The following TAFA1 variants were observed in gnomAD, a reference collection of about 807,000 sequenced individuals.
TAFA1 encodes chemokine-like protein TAFA-1.
TAFA1 carries 4 observed loss-of-function variants against 18.5 expected under a neutral mutation model. The observed-to-expected ratio is 0.22, with a 90% CI of 0.11 to 0.49. The LOEUF is 0.49. TAFA1 is among the 20% of genes least tolerant of loss of function. TAFA1 has a pLI of 0.98. For missense variants in TAFA1, 147 were observed against 169.0 expected (o/e 0.87, Z 0.72); for synonymous variants, 56 against 55.2 (o/e 1.01, Z -0.06).
intron 2 of TAFA1, among the ~76,000 whole-genome samples, chr3:68,330,025 T>A (rs572612271): frequency 6.6e-6 from 1 of 152,278 alleles, no homozygotes; most frequent in Admixed American, 6.5e-5. Flanking sequence ...GTGTGTCCAA[T>A]TGCAGGGATA....
At chr3:68,235,096 C>T (rs1172882548) in intron 2 of TAFA1, among the ~76,000 whole-genome samples, 1 of 152,110 alleles carries the variant, frequency 6.6e-6, no homozygotes, top group Non-Finnish European at 1.5e-5. Flanking sequence ...TGCATTTTCA[C>T]CTCAGTTCAA....
chr3:68,262,338 TA>T lies in TAFA1; in HGVS notation c.119-154941del, dbSNP rs2067447947. Among the ~76,000 whole-genome samples the T allele has an allele frequency of 3.4e-4, 32 of 93,790 alleles. 1 individual carries two copies. The highest frequency in any genetic ancestry group is 1.1e-3 in the African/African-American group (27 of 24,268). 61.5% of individuals were successfully genotyped at this position (93,790 alleles called of 152,430 possible). On this transcript the variant is annotated intron_variant, in intron 2 of 4. Coordinates refer to ENST00000478136, the MANE Select transcript of TAFA1 (RefSeq NM_213609.4). ...ATATATATATATATATATATATATA[TA>T]TATATATATATATATATATTTCATG...
intron 2 of TAFA1, among the ~76,000 whole-genome samples, chr3:68,358,051 G>A (rs548795047): frequency 6.6e-6 from 1 of 151,872 alleles, no homozygotes; most frequent in African/African-American, 2.4e-5. Flanking sequence ...AGATTGTTTT[G>A]GTAGTATTTT....
chr3:68,050,336 A>G (rs2064453608), intron 2 of TAFA1, among the ~76,000 whole-genome samples: 1 of 152,122 alleles, frequency 6.6e-6, no homozygotes, highest in South Asian at 2.1e-4. Context: ...CATATGGGCC[A>G]TTTATGCTAT....
At chr3:68,179,608 C>T (rs1296754598) in intron 2 of TAFA1, among the ~76,000 whole-genome samples, 2 of 152,082 alleles carry the variant, frequency 1.3e-5, no homozygotes, top group African/African-American at 2.4e-5. Flanking sequence ...TATTAAAGAA[C>T]CTCTTGTTTG....
At chr3:68,247,978 ATAAAG>A (rs1343955371) in intron 2 of TAFA1, among the ~76,000 whole-genome samples, 36 of 152,254 alleles carry the variant, frequency 2.4e-4, no homozygotes, top group African/African-American at 8.4e-4. Flanking sequence ...GTTTATGTTC[ATAAAG>A]TAAAGATAAT....
At chr3:68,459,088 C>T (rs1429930508) in intron 3 of TAFA1, among the ~76,000 whole-genome samples, 4 of 152,106 alleles carry the variant, frequency 2.6e-5, no homozygotes, top group Non-Finnish European at 5.9e-5. Flanking sequence ...AAAGAAGCAG[C>T]CATTCTATCC....
At chr3:68,082,633 G>A (rs2064919565) in intron 2 of TAFA1, among the ~76,000 whole-genome samples, 1 of 152,212 alleles carries the variant, frequency 6.6e-6, no homozygotes, top group Non-Finnish European at 1.5e-5. Flanking sequence ...CAATTGCTAT[G>A]CTGTTGCTGT....
chr3:68,258,790 C>T (rs2067348748), intron 2 of TAFA1, among the ~76,000 whole-genome samples: 2 of 152,150 alleles, frequency 1.3e-5, no homozygotes, highest in African/African-American at 4.8e-5. Flanking sequence ...CACTTTCTTC[C>T]TTGGGATGTC....
intron 2 of TAFA1, among the ~76,000 whole-genome samples, chr3:68,297,361 C>G (rs1337033370): frequency 2.0e-5 from 3 of 152,150 alleles, no homozygotes; most frequent in Admixed American, 1.3e-4. Context: ...TGGAACATTC[C>G]TAAGTCTTCA....
intron 2 of TAFA1, among the ~76,000 whole-genome samples, chr3:68,128,260 C>T (rs1352268543): frequency 6.6e-6 from 1 of 152,236 alleles, no homozygotes; most frequent in Middle Eastern, 3.4e-3. Context: ...CCATTTTAAA[C>T]TCATCATGAT....
chr3:68,024,612 A>G (rs1464397158), intron 2 of TAFA1, among the ~76,000 whole-genome samples: 1 of 152,158 alleles, frequency 6.6e-6, no homozygotes, highest in Non-Finnish European at 1.5e-5. Context: ...GTTTACCAAC[A>G]CTTCTGTGTC....
rs577852927 is a variant in TAFA1 at position 68,234,668 on chromosome 3, C to T, written c.119-182612C>T. ...TCTGCTTGGCCTTTCAAGATAGAGT[C>T]GAGTCATCACTACCCACATTTTCAC... On this transcript the variant is annotated intron_variant, in intron 2 of 4. Coordinates refer to ENST00000478136, the MANE Select transcript of TAFA1 (RefSeq NM_213609.4). Among the ~76,000 whole-genome samples, 15 of 151,348 alleles carry T rather than the reference C, an allele frequency of 9.9e-5. No individual in the cohort carries two copies. The East Asian group carries it at 1.7e-3, about 18-fold the overall frequency.
At chr3:68,430,772 C>T (rs939447601) in intron 3 of TAFA1, among the ~76,000 whole-genome samples, 4 of 151,952 alleles carry the variant, frequency 2.6e-5, no homozygotes, top group Non-Finnish European at 5.9e-5. Flanking sequence ...ACTCTCTACT[C>T]CCAACCGCTC....
chr3:68,187,773 T>A (rs981769437), intron 2 of TAFA1, among the ~76,000 whole-genome samples: 1 of 152,012 alleles, frequency 6.6e-6, no homozygotes, highest in Non-Finnish European at 1.5e-5. Context: ...CTTATACTTA[T>A]CCCAGAAGCA....
chr3:68,370,343 T>TATATACACACACACACACAC (rs2069662799), intron 2 of TAFA1, among the ~76,000 whole-genome samples: 1 of 58,860 alleles, frequency 1.7e-5, no homozygotes, highest in African/African-American at 6.9e-5. Context: ...TATATATATA[T>TATATACACACACACACACAC]ATATATATAT....
chr3:68,059,520 G>A (rs1248400966), intron 2 of TAFA1, among the ~76,000 whole-genome samples: 1 of 152,164 alleles, frequency 6.6e-6, no homozygotes, highest in Non-Finnish European at 1.5e-5. Flanking sequence ...CCATCTCTGA[G>A]AGAGCAGAAC....
chr3:68,191,139 T>G (rs2066335064), intron 2 of TAFA1, among the ~76,000 whole-genome samples: 1 of 151,778 alleles, frequency 6.6e-6, no homozygotes, highest in African/African-American at 2.4e-5. Context: ...ATGAGTCTAT[T>G]GTGTGTCTAT....
At chr3:68,168,127 A>G (rs2066007244) in intron 2 of TAFA1, among the ~76,000 whole-genome samples, 1 of 112,852 alleles carries the variant, frequency 8.9e-6, no homozygotes, top group Non-Finnish European at 1.8e-5. Context: ...TTGTCCTAAT[A>G]AGCTTCTTTT....
Sources: allele counts gnomAD v4.1 joint callset (sites outside exome capture counted in the v4.1 genomes callset), GRCh38; gene constraint gnomAD v4.1.1; transcripts MANE v1.5; gene names NCBI Gene and HGNC (gene_info 2026-07-23, HGNC 2026-07-21).